The following MIDN variants were observed in gnomAD, a reference collection of about 807,000 sequenced individuals.
MIDN encodes the protein midnolin, also known as midbrain nucleolar protein.
Under a neutral mutation model 46.1 loss-of-function variants are expected in MIDN, and 26 were observed. That is an observed-to-expected ratio of 0.56 (90% confidence interval 0.41 to 0.78). The LOEUF (loss-of-function observed/expected upper bound fraction) is 0.78. Ranked by LOEUF, MIDN falls within the 30% of genes least tolerant of loss-of-function variation. The pLI is 0.00. For synonymous variants in MIDN, 432 were observed against 343.3 expected (o/e 1.26, Z -2.86); for missense variants, 850 against 771.8 (o/e 1.10, Z -1.20).
chr19:1,251,968 G>A (rs1341712764), intron 4 of MIDN, 67 bp downstream of exon 4: 8 of 1,381,566 alleles, frequency 5.8e-6, no homozygotes, highest in Non-Finnish European at 8.1e-6. Flanking sequence ...CCACCGACGG[G>A]GCCTGGGGGT....
chr19:1,255,968 CTG>C (rs2081194584), intron 8 of MIDN, among the ~76,000 whole-genome samples: 1 of 152,248 alleles, frequency 6.6e-6, no homozygotes, highest in Admixed American at 6.5e-5. Flanking sequence ...TTTGGTGCCT[CTG>C]TGAATGGCCA....
rs2145494671 is a variant in MIDN at position 1,254,936 on chromosome 19, C to T, written c.860C>T (p.Ala287Val). The T allele has an allele frequency of 6.2e-7, 1 of 1,611,238 alleles. No individual in the cohort carries two copies. The highest frequency in any genetic ancestry group is 1.3e-5 in the African/African-American group (1 of 74,998). ...MDCSPTASSS[A>V]SPGASTTSTP... is the part of the protein sequence containing the mutation. ...TGCTCCCCCACGGCCAGCAGCAGTG[C>T]CAGTCCTGGTGCCAGCACCACGTCT... The change falls in exon 7 of 9, where the codon GCC becomes GTC. Residue 287 changes from alanine (A) to valine (V), a missense_variant. Transcript: ENST00000682408.
Position 1,254,192 on chromosome 19 carries a change from C to G in MIDN, c.539C>G (p.Ser180Trp), listed in dbSNP as rs749475160. ...PQVSDFLSGR[S>W]PLTLALRVGD... ...GTCAGTGACTTCCTGTCGGGCCGTT[C>G]GCCACTGACACTGGCCTTGCGTGTG... is the stretch of plus-strand genomic sequence containing the variant. The change falls in exon 6 of 9, where the codon TCG becomes TGG. Residue 180 changes from serine (S) to tryptophan (W), a missense_variant. Transcript: ENST00000682408. 4 of 1,598,392 alleles carry G rather than the reference C, an allele frequency of 2.5e-6. No homozygotes were observed. The highest frequency in any genetic ancestry group is 3.4e-6 in the Non-Finnish European group (4 of 1,177,674).
In MIDN at chr19:1,251,551, C is replaced by T. The variant is rs530107801; in HGVS notation, c.234-11C>T. 4.4e-6 allele frequency: 7 copies of T among 1,607,076 alleles called. No individual in the cohort carries two copies. Among genetic ancestry groups the T allele is most frequent in the East Asian group, 4.5e-5 (2 of 44,784 alleles). On this transcript the variant is annotated splice_polypyrimidine_tract_variant and intron_variant, in intron 2 of 8. Coordinates refer to ENST00000682408, the MANE Select transcript of MIDN (RefSeq NM_001388306.1). ...TCCGCGGAGTCTCATGCTCTTCCTT[C>T]CTCCCCCCAGCCGGCTCAGTTCGGG...
In MIDN at chr19:1,257,517, T is replaced by TCC; in HGVS notation, c.*245_*246insCC. On this transcript the variant is annotated 3_prime_UTR_variant, in exon 9 of 9. Coordinates refer to ENST00000682408, the MANE Select transcript of MIDN (RefSeq NM_001388306.1). ...TTCACCCTTCACTCCTGCCCTCCTC[T>TCC]TCCTCCTCCTCCTCCTCCTCCGTCT... The TCC allele has an allele frequency of 1.7e-5, 7 of 406,468 alleles. No homozygotes were observed. Among genetic ancestry groups the TCC allele is most frequent in the Middle Eastern group, 5.5e-4 (1 of 1,832 alleles). The allele number at this position is 406,468 out of a possible 1,614,324, so 25.2% of individuals were successfully genotyped here.
intron 4 of MIDN, among the ~76,000 whole-genome samples, chr19:1,252,659 G>A (rs889960434): frequency 5.3e-5 from 8 of 152,110 alleles, no homozygotes; most frequent in African/African-American, 7.2e-5. Context: ...CAATCCGCCC[G>A]CTGCCAGGGT....
Position 1,254,391 on chromosome 19 carries a change from G to A in MIDN, c.738G>A (p.Pro246=), listed in dbSNP as rs377729799. 23 of 1,561,950 alleles carry A rather than the reference G, an allele frequency of 1.5e-5. No homozygotes were observed. In the African/African-American group the frequency reaches 1.9e-4, roughly 13 times the overall value. Residue 246 remains proline (P), a synonymous_variant, in exon 6 of 9, where the codon CCG becomes CCA. Transcript: ENST00000682408. ...TGTCCAGTGCCGCCCGAGTCCCCCC[G>A]GTGCCCACCAGCCCGTCCCCTGCAT... ...RPVSSAARVP[P]VPTSPSPASP...
rs779247622 is a variant in MIDN, at chr19:1,255,453, C to T, written c.1017C>T (p.Ser339=). 12 of 1,601,066 alleles carry T rather than the reference C, an allele frequency of 7.5e-6. No individual in the cohort carries two copies. Among genetic ancestry groups the T allele is most frequent in the Middle Eastern group, 1.7e-4 (1 of 5,966 alleles). ...GTLHPNCQDS[S]GRPRRDIGTI... is the part of the protein sequence containing the mutation. Reference sequence around the variant, plus strand: ...TACACCCCAACTGCCAAGACAGCAGCGGGCGGCCGCGGCGTGACATCGGCA... The same window carrying T: ...TACACCCCAACTGCCAAGACAGCAGTGGGCGGCCGCGGCGTGACATCGGCA... Residue 339 remains serine (S), a synonymous_variant, in exon 8 of 9, where the codon AGC becomes AGT. Coordinates refer to ENST00000682408, the MANE Select transcript of MIDN (RefSeq NM_001388306.1).
At chr19:1,254,141 C>T (rs1373595126) in intron 5 of MIDN, 26 bp from the exon 6 acceptor site, 2 of 1,581,260 alleles carry the variant, frequency 1.3e-6, no homozygotes, top group Admixed American at 3.4e-5. Flanking sequence ...CTGGGGCTCC[C>T]AGCTGACGGA....
chr19:1,256,959 G>A (rs2081206061), intron 8 of MIDN, 36 bp from the exon 9 acceptor site: 2 of 1,601,600 alleles, frequency 1.2e-6, no homozygotes, highest in Admixed American at 1.7e-5. Flanking sequence ...AGCAGGTGGA[G>A]GCTTTGGGAG....
At chr19:1,250,799 T>C (rs1015198475) in intron 2 of MIDN, among the ~76,000 whole-genome samples, 1 of 151,386 alleles carries the variant, frequency 6.6e-6, no homozygotes, top group Non-Finnish European at 1.5e-5. Flanking sequence ...GTTGCGGGGG[T>C]CCCGGCTGCG....
At chr19:1,250,797 G>C (rs2081116507) in intron 2 of MIDN, among the ~76,000 whole-genome samples, 1 of 151,898 alleles carries the variant, frequency 6.6e-6, no homozygotes, top group African/African-American at 2.4e-5. Flanking sequence ...GCGTTGCGGG[G>C]GTCCCGGCTG....
intron 4 of MIDN, 150 bp downstream of exon 4, chr19:1,252,051 C>T: frequency 3.1e-6 from 2 of 645,962 alleles, no homozygotes; most frequent in Non-Finnish European, 5.5e-6. Context: ...CTGGCCTGGC[C>T]TCCCCACCTC....
Position 1,256,981 on chromosome 19 carries a change from T to TA in MIDN, c.1259-13dup, listed in dbSNP as rs1568796971. 1.2e-6 allele frequency: 2 copies of TA among 1,606,498 alleles called. No homozygotes were observed. Among genetic ancestry groups the TA allele is most frequent in the East Asian group, 2.2e-5 (1 of 44,868 alleles). ...GGAGGCTTTGGGAGTCACAGGCCAC[T>TA]ACCTCCTTTGCAGGGGACCGGCTTC... On this transcript the variant is annotated splice_polypyrimidine_tract_variant and intron_variant, in intron 8 of 8. Transcript: ENST00000682408.
rs1039148163 is a variant in MIDN, at chr19:1,251,762, C to G, written c.322-77C>G. On this transcript the variant is annotated intron_variant, in intron 3 of 8. Coordinates refer to ENST00000682408, the MANE Select transcript of MIDN (RefSeq NM_001388306.1). ...CTGGGGCCCCCACCCCGCCAGCCAG[C>G]AGGGCCCTCTCCACCCCCTATTCCA... 3 of 1,536,662 alleles carry G rather than the reference C, an allele frequency of 2.0e-6. No individual in the cohort carries two copies. The Admixed American group carries it at 5.1e-5, about 26-fold the overall frequency.
At chr19:1,254,698 T>G (rs528454276) in intron 6 of MIDN, among the ~76,000 whole-genome samples, 1 of 152,176 alleles carries the variant, frequency 6.6e-6, no homozygotes, top group Admixed American at 6.5e-5. Context: ...CCTGGACCAG[T>G]AGATGATCTC....
chr19:1,250,215 G>T lies in MIDN; in HGVS notation c.-82G>T. The T allele has an allele frequency of 1.8e-6, 1 of 557,822 alleles. No individual in the cohort carries two copies. The highest frequency in any genetic ancestry group is 2.3e-6 in the Non-Finnish European group (1 of 439,354). The allele number at this position is 557,822 out of a possible 1,614,324, so 34.6% of individuals were successfully genotyped here. A position where few individuals can be genotyped will look rare whatever the true frequency, so the allele number is the denominator to read the frequency against. On this transcript the variant is annotated 5_prime_UTR_variant, in exon 2 of 9. Transcript: ENST00000682408. ...CGAGTGCCCGGAGGACCCGGCATCC[G>T]GGGAGCCTCTCGCCCCTGTCCCGGA...
chr19:1,255,432 C>A lies in MIDN; in HGVS notation c.996C>A (p.His332Gln), dbSNP rs1472282455. 6.3e-7 allele frequency: 1 copy of A among 1,593,742 alleles called. No individual in the cohort carries two copies. The highest frequency in any genetic ancestry group is 1.1e-5 in the South Asian group (1 of 88,660). The change falls in exon 8 of 9, where the codon CAC becomes CAA. Residue 332 changes from histidine (H) to glutamine (Q), a missense_variant. Transcript: ENST00000682408. ...CACCTCTGCCCGCAGGCACGCTACACCCCAACTGCCAAGACAGCAGCGGGC... is the reference window on the plus strand; with the variant it reads ...CACCTCTGCCCGCAGGCACGCTACAACCCAACTGCCAAGACAGCAGCGGGC... ...VFSGTFSGTLHPNCQDSSGRP... is the reference protein window; with the variant it reads ...VFSGTFSGTLQPNCQDSSGRP...
intron 2 of MIDN, chr19:1,251,272 T>G (rs2081124111): frequency 4.7e-6 from 2 of 428,740 alleles, no homozygotes; most frequent in African/African-American, 2.1e-5. Context: ...TAGAGCACAC[T>G]GGGGCCCAGA....
Sources: gnomAD v4.1 joint callset for allele counts (sites outside exome capture counted in the v4.1 genomes callset) on GRCh38, gnomAD v4.1.1 for gene constraint, MANE v1.5 for transcripts, NCBI Gene and HGNC (gene_info 2026-07-23, HGNC 2026-07-21) for gene names.